UGGT2: variants seen among roughly 807,000 people sequenced by gnomAD.
UGGT2 encodes UDP-glucose glycoprotein glucosyltransferase 2.
Under a neutral mutation model 192.1 loss-of-function variants are expected in UGGT2, and 180 were observed. The observed-to-expected ratio is 0.94, with a 90% CI of 0.83 to 1.06. UGGT2 has a LOEUF of 1.06. Among genes scored for constraint, UGGT2 ranks in the 50% least tolerant of loss-of-function variants. The pLI is 0.00. For synonymous variants in UGGT2, 580 were observed against 591.0 expected (o/e 0.98, Z 0.27); for missense variants, 1,849 against 1,795.7 (o/e 1.03, Z -0.54).
chr13:95,811,732 A>G (rs1884593892), intron 38 of UGGT2, among the ~76,000 whole-genome samples: 1 of 152,192 alleles, frequency 6.6e-6, no homozygotes, highest in African/African-American at 2.4e-5. Flanking sequence ...AAGAGAAAAG[A>G]GGAAAAAACA....
intron 11 of UGGT2, 32 bp downstream of exon 11, chr13:95,972,548 T>C (rs368184244): frequency 5.4e-6 from 8 of 1,489,790 alleles, no homozygotes; most frequent in Middle Eastern, 1.8e-4. Flanking sequence ...ATATAAACCA[T>C]AGTTCATTTA....
chr13:95,882,869 G>A lies in UGGT2; in HGVS notation c.3228+1622C>T, dbSNP rs927263594. 2.6e-5 allele frequency among the ~76,000 whole-genome samples: 4 copies of A among 152,154 alleles called. No homozygotes were observed. In the South Asian group the frequency reaches 6.2e-4, roughly 24 times the overall value. On this transcript the variant is annotated intron_variant, in intron 27 of 38. Coordinates refer to ENST00000376747, the MANE Select transcript of UGGT2 (RefSeq NM_020121.4). ...AACACTTCACAGTTTTGGATAGCAT[G>A]TTTAAAAGTTACCTTATTGAGTATA...
intron 4 of UGGT2, among the ~76,000 whole-genome samples, chr13:96,017,423 C>T (rs2052373935): frequency 1.3e-5 from 2 of 152,154 alleles, no homozygotes; most frequent in African/African-American, 4.8e-5. Flanking sequence ...TCTGTCATGG[C>T]TGTAAGGTTC....
intron 1 of UGGT2, among the ~76,000 whole-genome samples, chr13:96,038,212 A>AT (rs1050462918): frequency 1.1e-4 from 16 of 152,336 alleles, no homozygotes; most frequent in African/African-American, 3.1e-4. Context: ...TTGAATTAGC[A>AT]TTACTGAGTA....
chr13:95,940,830 C>A (rs2049652575), intron 15 of UGGT2, among the ~76,000 whole-genome samples: 1 of 152,110 alleles, frequency 6.6e-6, no homozygotes, highest in African/African-American at 2.4e-5. Context: ...TGGGCTCAAG[C>A]AATCTACCTG....
chr13:95,905,106 G>T (rs1181188027), intron 20 of UGGT2, among the ~76,000 whole-genome samples: 1 of 152,138 alleles, frequency 6.6e-6, no homozygotes, highest in Admixed American at 6.5e-5. Flanking sequence ...TTTGAGAAGT[G>T]TCTGTTCATG....
At chr13:95,970,398 C>A (rs755042029) in intron 11 of UGGT2, 136 bp from the exon 12 acceptor site, 3 of 727,750 alleles carry the variant, frequency 4.1e-6, no homozygotes, top group African/African-American at 1.8e-5. Context: ...ATATATTAAA[C>A]TCATTAAGAA....
chr13:95,918,941 C>A (rs1268643906), intron 20 of UGGT2, among the ~76,000 whole-genome samples: 2 of 152,086 alleles, frequency 1.3e-5, no homozygotes, highest in Non-Finnish European at 2.9e-5. Context: ...CATGTCAATA[C>A]CATTGATGAA....
In UGGT2 at chr13:95,894,623, T is replaced by A; in HGVS notation, c.2794A>T (p.Met932Leu). Residue 932 changes from methionine to leucine, a missense_variant, in exon 24 of 39, where the codon ATG becomes TTG. Physicochemically the swap from Met to Leu is conservative, Grantham distance 15. Transcript: ENST00000376747. ...SDFIMKVDAL[M>L]SSVPKRASRY... The stretch of plus-strand genomic sequence containing the variant: ...GATGCACGCTTAGGCACAGAGGACA[T>A]AAGGGCATCAACTTTCATAATAAAG... The A allele has an allele frequency of 6.2e-7, 1 of 1,612,142 alleles. No individual in the cohort carries two copies. Among genetic ancestry groups the A allele is most frequent in the Non-Finnish European group, 8.5e-7 (1 of 1,178,962 alleles).
chr13:95,842,714 C>T (rs1221012656), intron 36 of UGGT2, among the ~76,000 whole-genome samples: 4 of 152,168 alleles, frequency 2.6e-5, no homozygotes, highest in South Asian at 2.1e-4. Flanking sequence ...TCATGTTTGC[C>T]CTTATGGATA....
At position 96,039,698 on chromosome 13, in the gene UGGT2, G is replaced by C. The variant is rs565412101; in HGVS notation, c.159-7727C>G. Reference sequence around the variant, plus strand: ...AATATAGGCAGCGAGGAGAAACCAAGCAGCACTTTTAACACTTTGCTTGGA... The same window carrying C: ...AATATAGGCAGCGAGGAGAAACCAACCAGCACTTTTAACACTTTGCTTGGA... On this transcript the variant is annotated intron_variant, in intron 1 of 38. Coordinates refer to ENST00000376747, the MANE Select transcript of UGGT2 (RefSeq NM_020121.4). Among the ~76,000 whole-genome samples the C allele has an allele frequency of 1.3e-3, 196 of 152,142 alleles. 2 individuals are homozygous for C. Among genetic ancestry groups the C allele is most frequent in the Non-Finnish European group, 2.1e-3 (144 of 68,030 alleles).
chr13:95,924,112 T>A (rs950068780), intron 20 of UGGT2, among the ~76,000 whole-genome samples: 8 of 152,192 alleles, frequency 5.3e-5, no homozygotes, highest in African/African-American at 1.9e-4. Context: ...TTACAGTGTT[T>A]TTAGTTTGTG....
chr13:96,028,981 T>TAA (rs11408600), intron 2 of UGGT2, among the ~76,000 whole-genome samples: 34 of 147,746 alleles, frequency 2.3e-4, no homozygotes, highest in East Asian at 4.0e-4. Flanking sequence ...CCGTCTCTAA[T>TAA]AAAAAAAAAA....
chr13:96,022,722 TC>T (rs1393525821), intron 4 of UGGT2, among the ~76,000 whole-genome samples: 1 of 151,960 alleles, frequency 6.6e-6, no homozygotes, highest in African/African-American at 2.4e-5. Flanking sequence ...ACTTTGTTAT[TC>T]CCCAGGTATA....
chr13:95,900,403 A>G (rs2048069994), intron 22 of UGGT2, among the ~76,000 whole-genome samples: 1 of 152,162 alleles, frequency 6.6e-6, no homozygotes, highest in Non-Finnish European at 1.5e-5. Context: ...AACTGAAAAT[A>G]GTATCTAATG....
At chr13:95,924,093 C>G (rs767732318) in intron 20 of UGGT2, among the ~76,000 whole-genome samples, 3 of 152,032 alleles carry the variant, frequency 2.0e-5, no homozygotes, top group Admixed American at 6.5e-5. Context: ...GATTATTGCA[C>G]TTCATATATT....
chr13:95,899,882 T>C (rs1389881184), intron 22 of UGGT2, among the ~76,000 whole-genome samples: 4 of 152,134 alleles, frequency 2.6e-5, no homozygotes, highest in Admixed American at 6.6e-5. Flanking sequence ...CTGAATCTAA[T>C]ATGCAGGTGA....
intron 36 of UGGT2, among the ~76,000 whole-genome samples, chr13:95,850,091 T>A (rs963659398): frequency 6.6e-6 from 1 of 152,140 alleles, no homozygotes; most frequent in Non-Finnish European, 1.5e-5. Context: ...CCCTAGTTTC[T>A]AGGTAGAAGA....
intron 12 of UGGT2, among the ~76,000 whole-genome samples, chr13:95,949,956 G>C (rs1281668839): frequency 1.3e-5 from 2 of 152,156 alleles, no homozygotes; most frequent in African/African-American, 4.8e-5. Flanking sequence ...GGTCGGGGAA[G>C]CAACCACCAA....
Sources: gnomAD v4.1 joint callset for allele counts (sites outside exome capture counted in the v4.1 genomes callset) on GRCh38, gnomAD v4.1.1 for gene constraint, MANE v1.5 for transcripts, NCBI Gene and HGNC (gene_info 2026-07-23, HGNC 2026-07-21) for gene names.